CEP112: variants seen among roughly 807,000 people sequenced by gnomAD.
The protein encoded by CEP112 is centrosomal protein 112, also known as centrosomal protein of 112 kDa.
Under a neutral mutation model 153.0 loss-of-function variants are expected in CEP112, and 127 were observed. That is an observed-to-expected ratio of 0.83 (90% CI 0.72 to 0.96). The LOEUF (loss-of-function observed/expected upper bound fraction) is 0.96. Ranked by LOEUF, CEP112 falls within the 40% of genes least tolerant of loss-of-function variation. CEP112 has a pLI of 0.00. For synonymous variants in CEP112, 358 were observed against 374.4 expected (o/e 0.96, Z 0.51); for missense variants, 1,089 against 1,101.2 (o/e 0.99, Z 0.16).
intron 23 of CEP112, among the ~76,000 whole-genome samples, chr17:65,713,674 C>T (rs1341922793): frequency 6.6e-6 from 1 of 152,176 alleles, no homozygotes; most frequent in African/African-American, 2.4e-5. Context: ...GCAAGCTCTG[C>T]CTGCTGGGTT....
chr17:65,686,833 A>G (rs985067964), intron 24 of CEP112, among the ~76,000 whole-genome samples: 1 of 150,932 alleles, frequency 6.6e-6, no homozygotes, highest in African/African-American at 2.5e-5. Flanking sequence ...GCCATCCTTG[A>G]TAAGTTTACT....
intron 21 of CEP112, among the ~76,000 whole-genome samples, chr17:65,760,344 TAGAG>T (rs1282223037): frequency 6.6e-6 from 1 of 152,166 alleles, no homozygotes; most frequent in Non-Finnish European, 1.5e-5. Context: ...TTTCTGATCT[TAGAG>T]AGAAAGCTTC....
At chr17:66,053,713 C>G (rs370783569) in intron 12 of CEP112, 23 bp downstream of exon 12, 2 of 1,599,522 alleles carry the variant, frequency 1.3e-6, no homozygotes, top group Non-Finnish European at 1.7e-6. Context: ...TCTAAGATGT[C>G]AAGAACAGGT....
intron 18 of CEP112, among the ~76,000 whole-genome samples, chr17:65,930,558 T>C (rs1443700946): frequency 2.0e-5 from 3 of 152,248 alleles, no homozygotes; most frequent in Non-Finnish European, 4.4e-5. Context: ...AGTGTAAAAT[T>C]CAATTAGAGT....
rs547136882 is a variant in CEP112 at position 65,926,696 on chromosome 17, G to A, written c.1980+886C>T. On this transcript the variant is annotated intron_variant, in intron 19 of 26. Transcript: ENST00000535342. Reference sequence around the variant, plus strand: ...CCATTGCACTCCAGCCTGGGTGAGAGAGTGAGACTCCTTCTCAAATAATAA... The same window carrying A: ...CCATTGCACTCCAGCCTGGGTGAGAAAGTGAGACTCCTTCTCAAATAATAA... Among the ~76,000 whole-genome samples the A allele has an allele frequency of 1.4e-3, 199 of 141,282 alleles. 2 individuals carry two copies. The highest frequency in any genetic ancestry group is 5.9e-3 in the African/African-American group (190 of 32,290). The allele number at this position is 141,282 out of a possible 152,430, so 92.7% of individuals were successfully genotyped here.
chr17:65,654,652 A>G (rs896661869), intron 24 of CEP112, among the ~76,000 whole-genome samples: 1 of 152,224 alleles, frequency 6.6e-6, no homozygotes, highest in African/African-American at 2.4e-5. Context: ...GTTCAAACCT[A>G]GCACTTTAAT....
chr17:65,830,683 T>G (rs957949526), intron 21 of CEP112, among the ~76,000 whole-genome samples: 15 of 152,182 alleles, frequency 9.9e-5, no homozygotes, highest in Non-Finnish European at 2.1e-4. Flanking sequence ...GCTAGATTTT[T>G]CCACAAACCC....
chr17:65,717,179 A>G (rs977154380), intron 23 of CEP112, among the ~76,000 whole-genome samples: 8 of 152,328 alleles, frequency 5.3e-5, no homozygotes, highest in African/African-American at 1.9e-4. Context: ...AAATCTGTAT[A>G]TTTCAGGACA....
intron 19 of CEP112, among the ~76,000 whole-genome samples, chr17:65,907,902 C>G (rs758112979): frequency 6.6e-6 from 1 of 152,066 alleles, no homozygotes; most frequent in Non-Finnish European, 1.5e-5. Context: ...TTCGGTTGAC[C>G]AACAATAATG....
chr17:66,183,316 G>A lies in CEP112; in HGVS notation c.-8-9C>T. On this transcript the variant is annotated splice_polypyrimidine_tract_variant and intron_variant, in intron 1 of 26. Transcript: ENST00000535342. ...CACTTCCATAATCCAATCTGTAAAA[G>A]ATTTTAAATCAAAATATTAAGGATT... The A allele has an allele frequency of 6.5e-7, 1 of 1,549,140 alleles. No homozygotes were observed. Among genetic ancestry groups the A allele is most frequent in the Non-Finnish European group, 8.8e-7 (1 of 1,130,936 alleles).
intron 23 of CEP112, among the ~76,000 whole-genome samples, chr17:65,721,764 TA>T (rs1215075106): frequency 1.3e-5 from 2 of 152,136 alleles, no homozygotes; most frequent in African/African-American, 4.8e-5. Context: ...AGTTAGTGTT[TA>T]AAAAGATGCC....
At chr17:65,793,137 A>G (rs775279119) in intron 21 of CEP112, among the ~76,000 whole-genome samples, 61 of 152,198 alleles carry the variant, frequency 4.0e-4, no homozygotes, top group Non-Finnish European at 7.8e-4. Context: ...ATAATAACCC[A>G]GAGTAAGAGA....
intron 17 of CEP112, among the ~76,000 whole-genome samples, chr17:65,991,326 T>A (rs1166210726): frequency 6.6e-6 from 1 of 152,190 alleles, no homozygotes; most frequent in Non-Finnish European, 1.5e-5. Context: ...GTATCTATGT[T>A]GTGAGAGGTA....
chr17:65,976,316 TC>T (rs1599230640), intron 17 of CEP112, among the ~76,000 whole-genome samples: 1 of 152,236 alleles, frequency 6.6e-6, no homozygotes, highest in African/African-American at 2.4e-5. Flanking sequence ...CTGAATGTGT[TC>T]TAAATTTGAG....
chr17:65,827,540 T>C (rs1244077404), intron 21 of CEP112, among the ~76,000 whole-genome samples: 1 of 152,206 alleles, frequency 6.6e-6, no homozygotes, highest in Non-Finnish European at 1.5e-5. Flanking sequence ...GCCTTCTCAT[T>C]GGTTTCCCAC....
In CEP112 at chr17:66,152,046, A is replaced by G. The variant is rs73353871; in HGVS notation, c.471-19283T>C. Among the ~76,000 whole-genome samples the G allele has an allele frequency of 8.7e-3, 1,324 of 152,334 alleles. 17 individuals carry two copies. The highest frequency in any genetic ancestry group is 0.03 in the African/African-American group (1,256 of 41,574). On this transcript the variant is annotated intron_variant, in intron 4 of 26. Transcript: ENST00000535342. The stretch of plus-strand genomic sequence containing the variant: ...ATAATGAAAACACGTATAGCTAGGT[A>G]TAGCTAGAAAGACATGCAATAGATA...
chr17:66,034,560 A>G (rs1228496923), intron 12 of CEP112, among the ~76,000 whole-genome samples: 12 of 143,166 alleles, frequency 8.4e-5, no homozygotes, highest in Admixed American at 5.8e-4. Flanking sequence ...TCTGTTAGCC[A>G]GAAAAACCAG....
intron 18 of CEP112, among the ~76,000 whole-genome samples, chr17:65,948,574 T>G (rs1003401349): frequency 8.8e-6 from 1 of 113,452 alleles, no homozygotes; most frequent in Non-Finnish European, 1.8e-5. Flanking sequence ...AAAAATATGA[T>G]TTTATATATA....
intron 11 of CEP112, among the ~76,000 whole-genome samples, chr17:66,062,280 CAATAT>C (rs1286051239): frequency 6.6e-6 from 1 of 151,552 alleles, no homozygotes; most frequent in African/African-American, 2.4e-5. Flanking sequence ...TAAAAATGGA[CAATAT>C]AATAAAAATG....
Sources: allele counts gnomAD v4.1 joint callset (sites outside exome capture counted in the v4.1 genomes callset), GRCh38; gene constraint gnomAD v4.1.1; transcripts MANE v1.5; gene names NCBI Gene and HGNC (gene_info 2026-07-23, HGNC 2026-07-21).